Variants in ATP2C1 observed in about 807,000 individuals in gnomAD.
The protein encoded by ATP2C1 is ATPase secretory pathway Ca2+ transporting 1, also known as calcium-transporting ATPase type 2C member 1.
A neutral mutation model predicts 120.5 loss-of-function variants in ATP2C1; 31 were observed. That is an observed-to-expected ratio of 0.26 (90% CI 0.19 to 0.35). The LOEUF is 0.35. Ranked by LOEUF, ATP2C1 falls within the 10% of genes least tolerant of loss-of-function variation. ATP2C1 has a pLI of 1.00. For missense variants in ATP2C1, 731 were observed against 1,107.5 expected, an observed-to-expected ratio of 0.66 and a Z score of 4.83; for synonymous variants, 351 against 358.7, an observed-to-expected ratio of 0.98 and a Z score of 0.24.
chr3:130,882,112 G>A (rs574785513), intron 1 of ATP2C1, among the ~76,000 whole-genome samples: 24 of 151,998 alleles, frequency 1.6e-4, no homozygotes, highest in African/African-American at 5.6e-4. Context: ...TGAAAAAGTG[G>A]GCATCCTTTT....
At chr3:130,991,917 T>C (rs1455285088) in intron 20 of ATP2C1, among the ~76,000 whole-genome samples, 1 of 152,026 alleles carries the variant, frequency 6.6e-6, no homozygotes, top group Non-Finnish European at 1.5e-5. Flanking sequence ...AGAAAGGGGA[T>C]AGATTGCAGG....
intron 12 of ATP2C1, among the ~76,000 whole-genome samples, chr3:130,961,537 A>T (rs1011474002): frequency 3.3e-5 from 5 of 152,062 alleles, no homozygotes; most frequent in Admixed American, 2.6e-4. Flanking sequence ...GAAGATGACT[A>T]AAACAATAAG....
chr3:130,914,182 A>G (rs1026198609), intron 2 of ATP2C1, among the ~76,000 whole-genome samples: 2 of 152,196 alleles, frequency 1.3e-5, no homozygotes, highest in African/African-American at 4.8e-5. Context: ...TCAAAGCTTC[A>G]AACTAAAAAC....
At chr3:130,977,896 G>C (rs1354907006) in intron 18 of ATP2C1, among the ~76,000 whole-genome samples, 4 of 152,070 alleles carry the variant, frequency 2.6e-5, no homozygotes, top group African/African-American at 9.7e-5. Flanking sequence ...AAAATACTGT[G>C]GTTCTTAATT....
intron 2 of ATP2C1, chr3:130,919,205 A>G: frequency 5.8e-6 from 1 of 171,286 alleles, no homozygotes; most frequent in East Asian, 1.6e-4. Context: ...AGATCGCTAG[A>G]ATTTTAGAAT....
At chr3:130,967,074 G>A in intron 14 of ATP2C1, 71 bp from the exon 15 acceptor site, 1 of 1,081,904 alleles carries the variant, frequency 9.2e-7, no homozygotes, top group South Asian at 1.2e-5. Context: ...ATAGTTTTTG[G>A]GTTTTATAGG....
At chr3:130,857,862 A>T (rs570623956) in intron 1 of ATP2C1, among the ~76,000 whole-genome samples, 1 of 152,298 alleles carries the variant, frequency 6.6e-6, no homozygotes, top group South Asian at 2.1e-4. Context: ...ATCCCACAAT[A>T]GGCCGTTTGC....
At chr3:130,971,767 C>T (rs2061327178) in intron 17 of ATP2C1, among the ~76,000 whole-genome samples, 1 of 152,158 alleles carries the variant, frequency 6.6e-6, no homozygotes, top group Non-Finnish European at 1.5e-5. Flanking sequence ...GACGGTTAGC[C>T]TTCCTTTACC....
intron 8 of ATP2C1, among the ~76,000 whole-genome samples, chr3:130,945,248 T>C (rs577728590): frequency 9.8e-5 from 15 of 152,318 alleles, no homozygotes; most frequent in Admixed American, 3.9e-4. Flanking sequence ...GAGGCACCAC[T>C]GGCCAATTAC....
chr3:130,967,888 TG>T (rs2061123716), intron 16 of ATP2C1, among the ~76,000 whole-genome samples: 1 of 152,208 alleles, frequency 6.6e-6, no homozygotes, highest in Non-Finnish European at 1.5e-5. Context: ...AGTTATAATT[TG>T]TTTTGGGGAG....
At chr3:130,879,786 G>A (rs566139560) in intron 1 of ATP2C1, among the ~76,000 whole-genome samples, 1 of 152,278 alleles carries the variant, frequency 6.6e-6, no homozygotes, top group South Asian at 2.1e-4. Flanking sequence ...TACAGTCTCT[G>A]TATAATTTCT....
At chr3:130,993,790 A>G (rs2062466632) in intron 21 of ATP2C1, 142 bp from the exon 22 acceptor site, 1 of 826,646 alleles carries the variant, frequency 1.2e-6, no homozygotes, top group East Asian at 2.7e-5. Flanking sequence ...CATTTGTTGA[A>G]GTTCATTGAA....
chr3:130,998,438 A>G, intron 26 of ATP2C1, 49 bp downstream of exon 26: 1 of 1,370,376 alleles, frequency 7.3e-7, no homozygotes, highest in Non-Finnish European at 1.0e-6. Context: ...TCACTTGAGT[A>G]GAGTGCTTTC....
chr3:130,950,894 C>T (rs763163126), intron 8 of ATP2C1, among the ~76,000 whole-genome samples: 1 of 151,918 alleles, frequency 6.6e-6, no homozygotes, highest in Admixed American at 6.6e-5. Flanking sequence ...AAAATTCCTT[C>T]TCTGTTAGTC....
chr3:130,869,517 G>T (rs527335025), intron 1 of ATP2C1, among the ~76,000 whole-genome samples: 1 of 149,920 alleles, frequency 6.7e-6, no homozygotes, highest in Admixed American at 6.6e-5. Flanking sequence ...TGAAAGCTAG[G>T]CCTCATGCAT....
chr3:130,885,665 CTT>C (rs761970413), intron 1 of ATP2C1, among the ~76,000 whole-genome samples: 39 of 151,904 alleles, frequency 2.6e-4, no homozygotes, highest in Admixed American at 5.9e-4. Context: ...TTTTTAACGT[CTT>C]GTTTCTCTTT....
chr3:130,961,756 C>A (rs909234287), intron 12 of ATP2C1, among the ~76,000 whole-genome samples: 4 of 152,118 alleles, frequency 2.6e-5, no homozygotes, highest in Non-Finnish European at 4.4e-5. Context: ...TTTTCACTTT[C>A]TACTATAATG....
At position 130,969,113 on chromosome 3, in the gene ATP2C1, T is replaced by A. The variant is rs76951475; in HGVS notation, c.1309-179T>A. On this transcript the variant is annotated intron_variant, in intron 16 of 27. Coordinates refer to ENST00000510168, the MANE Select transcript of ATP2C1 (RefSeq NM_001378687.1). Reference sequence around the variant, plus strand: ...ATATCTACATACCTGGGCTTTCATGTTGAAAATGTATGCTGATGTGTAGGG... The same window carrying A: ...ATATCTACATACCTGGGCTTTCATGATGAAAATGTATGCTGATGTGTAGGG... Among the ~76,000 whole-genome samples, 4,107 of 152,310 alleles carry A rather than the reference T, an allele frequency of 0.027. 190 individuals carry two copies. The highest frequency in any genetic ancestry group is 0.093 in the African/African-American group (3,878 of 41,566).
chr3:130,996,209 T>A, intron 23 of ATP2C1, 98 bp downstream of exon 23: 1 of 897,134 alleles, frequency 1.1e-6, no homozygotes. Context: ...TGCCTTATAT[T>A]TGTGAGCATT....
Sources: gnomAD v4.1 joint callset for allele counts (sites outside exome capture counted in the v4.1 genomes callset) on GRCh38, gnomAD v4.1.1 for gene constraint, MANE v1.5 for transcripts, NCBI Gene and HGNC (gene_info 2026-07-23, HGNC 2026-07-21) for gene names.